The following ELL2 variants were observed in gnomAD, a reference collection of about 807,000 sequenced individuals.
ELL2 encodes the protein elongation factor for RNA polymerase II 2.
Under a neutral mutation model 72.8 loss-of-function variants are expected in ELL2, and 21 were observed. The observed-to-expected ratio is 0.29, with a 90% confidence interval of 0.20 to 0.42. The LOEUF is 0.42. ELL2 is among the 10% of genes least tolerant of loss of function. The probability of loss-of-function intolerance (pLI) is 1.00; values close to 1 mark genes in which losing one functional copy is unlikely to be tolerated. For missense variants in ELL2, 568 were observed against 772.8 expected (o/e 0.73, Z 3.14); for synonymous variants, 266 against 283.2 (o/e 0.94, Z 0.61).
chr5:95,938,373 G>T (rs1456955784), intron 2 of ELL2, among the ~76,000 whole-genome samples: 1 of 152,110 alleles, frequency 6.6e-6, no homozygotes, highest in South Asian at 2.1e-4. Context: ...ATACTGCATG[G>T]TACTTATAGA....
intron 5 of ELL2, among the ~76,000 whole-genome samples, 183 bp downstream of exon 5, chr5:95,906,340 T>C (rs76626038): frequency 0.013 from 2,022 of 152,338 alleles, 49 homozygotes; most frequent in African/African-American, 0.047. Flanking sequence ...TAGTTTTTAA[T>C]TAAGTGCTTA....
Position 95,958,361 on chromosome 5 carries a change from A to G in ELL2, c.147+3214T>C, listed in dbSNP as rs115764977. 2.7e-3 allele frequency among the ~76,000 whole-genome samples: 416 copies of G among 152,336 alleles called. 1 individual carries two copies. Among genetic ancestry groups the G allele is most frequent in the African/African-American group, 9.0e-3 (373 of 41,578 alleles). On this transcript the variant is annotated intron_variant, in intron 1 of 11. Coordinates refer to ENST00000237853, the MANE Select transcript of ELL2 (RefSeq NM_012081.6). The stretch of plus-strand genomic sequence containing the variant: ...AGGATAAAAGCTCAGCCAGATGCCT[A>G]CTGCTAGCAACTCTTACTGTGCCCA...
intron 2 of ELL2, among the ~76,000 whole-genome samples, chr5:95,925,782 T>C (rs1235177713): frequency 6.6e-6 from 1 of 152,176 alleles, no homozygotes. Flanking sequence ...ACTGAATAGT[T>C]TCCCAATTTG....
At chr5:95,929,777 A>C (rs1750528579) in intron 2 of ELL2, among the ~76,000 whole-genome samples, 1 of 149,614 alleles carries the variant, frequency 6.7e-6, no homozygotes, top group Non-Finnish European at 1.5e-5. Context: ...GATGAAAGGA[A>C]GGGTAAAAAA....
At chr5:95,920,251 T>C (rs1749998280) in intron 2 of ELL2, among the ~76,000 whole-genome samples, 1 of 151,074 alleles carries the variant, frequency 6.6e-6, no homozygotes, top group Admixed American at 6.6e-5. Context: ...TTTGTTGTTG[T>C]TGTTATTTTT....
chr5:95,955,024 A>G (rs1751579848), intron 1 of ELL2, among the ~76,000 whole-genome samples: 1 of 151,934 alleles, frequency 6.6e-6, no homozygotes, highest in Non-Finnish European at 1.5e-5. Flanking sequence ...ACTCAACTAC[A>G]TTTTTCTCTT....
chr5:95,906,189 A>G (rs1329471557), intron 5 of ELL2, among the ~76,000 whole-genome samples: 1 of 152,210 alleles, frequency 6.6e-6, no homozygotes, highest in Non-Finnish European at 1.5e-5. Flanking sequence ...AATTTCACCG[A>G]CAATAATCAA....
chr5:95,897,796 A>T (rs1018410750), intron 8 of ELL2, among the ~76,000 whole-genome samples: 15 of 152,202 alleles, frequency 9.9e-5, no homozygotes, highest in African/African-American at 3.6e-4. Flanking sequence ...TAAAAAGTTG[A>T]CCTTTCCCCT....
At chr5:95,907,277 G>GATATATATATATATATATATATAT (rs748817419) in intron 4 of ELL2, among the ~76,000 whole-genome samples, 2 of 119,930 alleles carry the variant, frequency 1.7e-5, no homozygotes, top group African/African-American at 7.1e-5. Flanking sequence ...ATCCGTTAGT[G>GATATATATATATATATATATATAT]ATATATATAT....
At chr5:95,903,131 C>T (rs1408273018) in intron 5 of ELL2, among the ~76,000 whole-genome samples, 1 of 150,554 alleles carries the variant, frequency 6.6e-6, no homozygotes, top group African/African-American at 2.4e-5. Context: ...CACACATTGA[C>T]ACCCCCACCC....
intron 2 of ELL2, among the ~76,000 whole-genome samples, chr5:95,923,160 G>A (rs999886095): frequency 4.0e-5 from 6 of 151,860 alleles, no homozygotes; most frequent in African/African-American, 1.5e-4. Flanking sequence ...TGAGGTGGGA[G>A]GATCACTTGA....
chr5:95,939,710 C>A (rs549462074), intron 2 of ELL2, among the ~76,000 whole-genome samples: 2 of 152,240 alleles, frequency 1.3e-5, no homozygotes, highest in Non-Finnish European at 1.5e-5. Context: ...TGTACTGAAA[C>A]ACATCTGTGG....
intron 2 of ELL2, among the ~76,000 whole-genome samples, chr5:95,926,947 A>G (rs537522310): frequency 6.6e-6 from 1 of 152,298 alleles, no homozygotes; most frequent in South Asian, 2.1e-4. Flanking sequence ...ACCTTGAGTA[A>G]TTTTTGGCTC....
At chr5:95,918,927 G>T (rs1039791344) in intron 3 of ELL2, among the ~76,000 whole-genome samples, 11 of 148,528 alleles carry the variant, frequency 7.4e-5, no homozygotes, top group African/African-American at 2.8e-4. Context: ...TGCTTTACTG[G>T]GTTAATTTCT....
At chr5:95,913,981 A>T in intron 3 of ELL2, 47 bp from the exon 4 acceptor site, 1 of 1,495,280 alleles carries the variant, frequency 6.7e-7, no homozygotes, top group Non-Finnish European at 8.9e-7. Flanking sequence ...TTCATTTTGT[A>T]CAATAAAGGC....
intron 3 of ELL2, among the ~76,000 whole-genome samples, chr5:95,914,649 T>C (rs887604208): frequency 6.6e-6 from 1 of 151,632 alleles, no homozygotes; most frequent in Admixed American, 6.6e-5. Flanking sequence ...AGTTCAGGAG[T>C]TTGAGACCAG....
At chr5:95,892,216 A>G (rs919398053) in intron 9 of ELL2, among the ~76,000 whole-genome samples, 1 of 150,960 alleles carries the variant, frequency 6.6e-6, no homozygotes, top group African/African-American at 2.4e-5. Context: ...GCGCGATCTC[A>G]GCTCACTGCA....
chr5:95,900,046 G>A (rs1316909537), intron 7 of ELL2, among the ~76,000 whole-genome samples: 3 of 152,034 alleles, frequency 2.0e-5, no homozygotes, highest in Admixed American at 6.6e-5. Flanking sequence ...GGGGAGGTGC[G>A]TCCCACTGTC....
rs41276265 is a variant in ELL2, at chr5:95,900,750, G to T, written c.897C>A (p.Gly299=). ...RKLNPSQNAA[G]TSRSESPVCS... ...ATACAGGAGATTCTGAACGGCTGGT[G>T]CCTGCAGCATTCTGAGACGGATTTA... The change falls in exon 7 of 12, where the codon GGC becomes GGA. Residue 299 remains glycine (G), a synonymous_variant. Coordinates refer to ENST00000237853, the MANE Select transcript of ELL2 (RefSeq NM_012081.6). The T allele has an allele frequency of 1.1e-5, 17 of 1,608,592 alleles. No homozygotes were observed. The Admixed American group carries it at 2.7e-4, about 26-fold the overall frequency.
Sources: gnomAD v4.1 joint callset for allele counts (sites outside exome capture counted in the v4.1 genomes callset) on GRCh38, gnomAD v4.1.1 for gene constraint, MANE v1.5 for transcripts, NCBI Gene and HGNC (gene_info 2026-07-23, HGNC 2026-07-21) for gene names.